The following BCAS3 variants were observed in gnomAD, a reference collection of about 807,000 sequenced individuals.
BCAS3 encodes the protein BCAS4/BCAS3 fusion.
Under a neutral mutation model 116.1 loss-of-function variants are expected in BCAS3, and 53 were observed. The ratio of observed to expected loss-of-function variants is 0.46; its 90% CI spans 0.37 to 0.57. The LOEUF is 0.57. Among genes scored for constraint, BCAS3 ranks in the 20% least tolerant of loss-of-function variants. The pLI is 0.00. For missense variants in BCAS3, 917 were observed against 1,165.4 expected (o/e 0.79, Z 3.10); for synonymous variants, 391 against 408.2 (o/e 0.96, Z 0.51).
chr17:61,243,352 T>A lies in BCAS3; in HGVS notation c.2426-124975T>A, dbSNP rs2047680700. On this transcript the variant is annotated intron_variant, in intron 22 of 23. Transcript: ENST00000407086. This position sits in a 1 kb window ranked among gnomAD's most constrained non-coding sequence, Gnocchi z 5.6. ...AATATTCCATTGTGTCTATATACTA[T>A]ATTTTCTTTATCCATTCATTCATGG... 6.6e-6 allele frequency among the ~76,000 whole-genome samples: 1 copy of A among 152,240 alleles called. No homozygotes were observed. Among genetic ancestry groups the A allele is most frequent in the African/African-American group, 2.4e-5 (1 of 41,456 alleles).
chr17:61,287,803 C>A (rs556401862), intron 22 of BCAS3, among the ~76,000 whole-genome samples: 17 of 152,302 alleles, frequency 1.1e-4, no homozygotes, highest in African/African-American at 4.1e-4. Context: ...GAAGAAAAAG[C>A]AGTAATAACA....
chr17:60,821,328 T>TCATACATA (rs113139051), intron 7 of BCAS3, among the ~76,000 whole-genome samples: 1 of 151,566 alleles, frequency 6.6e-6, no homozygotes, highest in Non-Finnish European at 1.5e-5. Context: ...GTGTGTGAGG[T>TCATACATA]CATACATACA....
At position 61,334,685 on chromosome 17, in the gene BCAS3, A is replaced by C. The variant is rs539472863; in HGVS notation, c.2426-33642A>C. ...ATCTCAAAAAAAAAAAAAAAAAAAA[A>C]AAAACACCAAGAAAACGATGTATCC... On this transcript the variant is annotated intron_variant, in intron 22 of 23. Coordinates refer to ENST00000407086, the MANE Select transcript of BCAS3 (RefSeq NM_017679.5). 2.5e-3 allele frequency among the ~76,000 whole-genome samples: 385 copies of C among 151,266 alleles called. 3 individuals are homozygous for C. Among genetic ancestry groups the C allele is most frequent in the Non-Finnish European group, 4.2e-3 (287 of 67,884 alleles).
In BCAS3 at chr17:60,980,300, T is replaced by C. The variant is rs2062717498; in HGVS notation, c.1222-9671T>C. On this transcript the variant is annotated intron_variant, in intron 14 of 23. Transcript: ENST00000407086. ...TTCTACACATCCTCACCAAAACTTA[T>C]CATCTTTTTTTATTTTAGCCATTCT... Among the ~76,000 whole-genome samples, 3 of 152,174 alleles carry C rather than the reference T, an allele frequency of 2.0e-5. 1 individual carries two copies. In the South Asian group the frequency reaches 6.2e-4, roughly 31 times the overall value.
intron 19 of BCAS3, among the ~76,000 whole-genome samples, chr17:61,071,048 C>T (rs1019200791): frequency 1.3e-5 from 2 of 152,138 alleles, no homozygotes; most frequent in African/African-American, 4.8e-5. Flanking sequence ...CTTGATATGT[C>T]CCCCAACATC....
chr17:60,778,182 T>A (rs535446300), intron 6 of BCAS3, among the ~76,000 whole-genome samples: 2 of 152,164 alleles, frequency 1.3e-5, no homozygotes, highest in East Asian at 1.9e-4. Flanking sequence ...TTTTTTTTTT[T>A]ATTTTATCAG....
At chr17:60,894,658 A>G (rs2057392749) in intron 10 of BCAS3, among the ~76,000 whole-genome samples, 1 of 152,118 alleles carries the variant, frequency 6.6e-6, no homozygotes, top group Admixed American at 6.5e-5. Flanking sequence ...CTTAGAGGAA[A>G]GGCTTTTAAA....
chr17:60,803,135 A>G (rs1300098825), intron 6 of BCAS3, among the ~76,000 whole-genome samples: 1 of 152,216 alleles, frequency 6.6e-6, no homozygotes, highest in African/African-American at 2.4e-5. Context: ...GGATGTTTCA[A>G]TATTAAGTAT....
intron 22 of BCAS3, among the ~76,000 whole-genome samples, chr17:61,250,431 C>A (rs1246033748): frequency 1.3e-5 from 2 of 152,216 alleles, no homozygotes; most frequent in Admixed American, 1.3e-4. Context: ...CCAGAGAAGG[C>A]TTGTTTTTCA....
chr17:61,034,892 G>A lies in BCAS3; in HGVS notation c.1762+102G>A, dbSNP rs1568176342. 6.1e-6 allele frequency: 7 copies of A among 1,149,596 alleles called. No individual in the cohort carries two copies. Among genetic ancestry groups the A allele is most frequent in the East Asian group, 2.6e-5 (1 of 38,780 alleles). The allele number at this position is 1,149,596 out of a possible 1,614,324, so 71.2% of individuals were successfully genotyped here. On this transcript the variant is annotated intron_variant, in intron 17 of 23. Coordinates refer to ENST00000407086, the MANE Select transcript of BCAS3 (RefSeq NM_017679.5). The surrounding 1 kb of genome is among the most constrained non-coding windows in gnomAD (Gnocchi z 5.0). The stretch of plus-strand genomic sequence containing the variant: ...AGAATAATCTTGTACCCAGTAGTCT[G>A]GAAACCAATTTTTTTAATGTAATTA...
chr17:60,780,105 T>TCCCC (rs2045670122), intron 6 of BCAS3, among the ~76,000 whole-genome samples: 1 of 151,586 alleles, frequency 6.6e-6, no homozygotes, highest in African/African-American at 2.4e-5. Flanking sequence ...TTCTTCTGCC[T>TCCCC]CGGCTCCCCC....
At chr17:61,187,879 C>T (rs1052023199) in intron 22 of BCAS3, among the ~76,000 whole-genome samples, 3 of 151,886 alleles carry the variant, frequency 2.0e-5, no homozygotes, top group African/African-American at 7.3e-5. Flanking sequence ...TATAACATGC[C>T]AAATTAATCT....
Position 61,068,749 on chromosome 17 carries a change from T to A in BCAS3, c.2030-6171T>A, listed in dbSNP as rs1286850392. On this transcript the variant is annotated intron_variant, in intron 19 of 23. Coordinates refer to ENST00000407086, the MANE Select transcript of BCAS3 (RefSeq NM_017679.5). This position sits in a 1 kb window ranked among gnomAD's most constrained non-coding sequence, Gnocchi z 4.3. ...CCCACTCCTCTTTGTGACCCTCTTT[T>A]TTCCCCTTTCTGTCTCTGCCAGTCT... 6.6e-6 allele frequency among the ~76,000 whole-genome samples: 1 copy of A among 152,232 alleles called. No homozygotes were observed. The highest frequency in any genetic ancestry group is 1.5e-5 in the Non-Finnish European group (1 of 68,048).
intron 22 of BCAS3, among the ~76,000 whole-genome samples, chr17:61,312,828 G>A (rs2054425619): frequency 6.6e-6 from 1 of 152,188 alleles, no homozygotes; most frequent in South Asian, 2.1e-4. Context: ...CTCGGGGTCA[G>A]GACTGGTTAC....
At chr17:61,002,917 C>T (rs920272549) in intron 15 of BCAS3, among the ~76,000 whole-genome samples, 35 of 151,670 alleles carry the variant, frequency 2.3e-4, no homozygotes, top group African/African-American at 8.2e-4. Context: ...TGTTGTTTAC[C>T]CTTTAAATAT....
intron 22 of BCAS3, among the ~76,000 whole-genome samples, chr17:61,165,910 G>A (rs1337741077): frequency 1.3e-5 from 2 of 152,126 alleles, no homozygotes; most frequent in African/African-American, 4.8e-5. Context: ...GCTTAGAGAT[G>A]TTAGGTTATT....
At chr17:61,138,804 G>A (rs1319104463) in intron 22 of BCAS3, among the ~76,000 whole-genome samples, 10 of 151,978 alleles carry the variant, frequency 6.6e-5, no homozygotes, top group Admixed American at 6.6e-4. Flanking sequence ...ATTCTTTTTG[G>A]GCATTTTTCT....
Position 60,872,874 on chromosome 17 carries a change from C to T in BCAS3, c.585-1788C>T, listed in dbSNP as rs16944664. On this transcript the variant is annotated intron_variant, in intron 8 of 23. Coordinates refer to ENST00000407086, the MANE Select transcript of BCAS3 (RefSeq NM_017679.5). ...CCCATAAGTACTTTCTCTTTGGTTCCATTGACTCTTAATAATGGTGCATTT... is the reference window on the plus strand; with the variant it reads ...CCCATAAGTACTTTCTCTTTGGTTCTATTGACTCTTAATAATGGTGCATTT... Among the ~76,000 whole-genome samples, 401 of 151,988 alleles carry T rather than the reference C, an allele frequency of 2.6e-3. 1 individual carries two copies. The highest frequency in any genetic ancestry group is 9.1e-3 in the African/African-American group (377 of 41,448).
At chr17:60,972,192 C>A (rs926853976) in intron 14 of BCAS3, among the ~76,000 whole-genome samples, 8 of 152,236 alleles carry the variant, frequency 5.3e-5, no homozygotes, top group East Asian at 1.9e-4. Context: ...GCCATTAATA[C>A]CAGTTATATA....
Sources: gnomAD v4.1 joint callset for allele counts (sites outside exome capture counted in the v4.1 genomes callset) on GRCh38, gnomAD v4.1.1 for gene constraint, Gnocchi (gnomAD v3.1) non-coding constraint, MANE v1.5 for transcripts, NCBI Gene and HGNC (gene_info 2026-07-23, HGNC 2026-07-21) for gene names.